The following ANK2 variants were observed in gnomAD, a reference collection of about 807,000 sequenced individuals.
ANK2 encodes the protein ankyrin-2.
Under a neutral mutation model 360.5 loss-of-function variants are expected in ANK2, and 83 were observed. The observed-to-expected ratio is 0.23, with a 90% CI of 0.19 to 0.28. The LOEUF is 0.28. ANK2 is among the 10% of genes least tolerant of loss of function. ANK2 has a pLI of 1.00. For synonymous variants in ANK2, 1,740 were observed against 1,759.5 expected, an observed-to-expected ratio of 0.99 and a Z score of 0.28; for missense variants, 4,201 against 4,795.7, an observed-to-expected ratio of 0.88 and a Z score of 3.66.
At chr4:113,263,631 A>C (rs1185490538) in intron 13 of ANK2, among the ~76,000 whole-genome samples, 1 of 152,262 alleles carries the variant, frequency 6.6e-6, no homozygotes, top group Non-Finnish European at 1.5e-5. Flanking sequence ...TTGTTGTACA[A>C]GGAATCAGAA....
intron 1 of ANK2, among the ~76,000 whole-genome samples, chr4:112,860,883 C>T (rs1263605002): frequency 1.3e-5 from 2 of 152,056 alleles, no homozygotes; most frequent in African/African-American, 2.4e-5. Flanking sequence ...GTTAATTTTG[C>T]TGGACTTTTC....
intron 2 of ANK2, among the ~76,000 whole-genome samples, chr4:112,905,377 G>A (rs1005633693): frequency 3.4e-4 from 52 of 152,292 alleles, no homozygotes; most frequent in African/African-American, 1.2e-3. Flanking sequence ...AATGCCAAAA[G>A]AGGAGAAATC....
chr4:112,922,812 T>G (rs1274603819), intron 2 of ANK2, among the ~76,000 whole-genome samples: 1 of 152,214 alleles, frequency 6.6e-6, no homozygotes, highest in Non-Finnish European at 1.5e-5. Flanking sequence ...AAAATGACTC[T>G]CTAATATTCC....
chr4:113,067,054 A>G (rs934412105), intron 1 of ANK2, among the ~76,000 whole-genome samples: 1 of 152,066 alleles, frequency 6.6e-6, no homozygotes, highest in African/African-American at 2.4e-5. Flanking sequence ...AGATGACTGT[A>G]TCTCATGTTT....
chr4:113,373,156 C>T lies in ANK2; in HGVS notation c.11677C>T (p.His3893Tyr), dbSNP rs745862408. The change falls in exon 44 of 46, where the codon CAC becomes TAC. Residue 3893 changes from histidine to tyrosine, a missense_variant. His to Tyr is a moderately conservative substitution (Grantham distance 83). This residue lies in a region of ANK2 where 2,642 missense variants were observed against 2,714.5 expected (regional missense o/e 0.97). Coordinates refer to ENST00000357077, the MANE Select transcript of ANK2 (RefSeq NM_001148.6). ...TEEEYIDEHG[H>Y]TVVKKVTRKI... ...AGAAGAATACATTGATGAGCATGGA[C>T]ACACCGTGGTAAAGAAGGTATTGTC... The T allele has an allele frequency of 1.9e-6, 3 of 1,614,006 alleles. No individual in the cohort carries two copies. The Admixed American group carries it at 5.0e-5, about 27-fold the overall frequency.
intron 34 of ANK2, among the ~76,000 whole-genome samples, chr4:113,345,475 G>A (rs2094737163): frequency 6.6e-6 from 1 of 152,146 alleles, no homozygotes; most frequent in Non-Finnish European, 1.5e-5. Flanking sequence ...TAAAAGCTGA[G>A]TAAGTTCTGA....
At chr4:113,094,447 G>A (rs757783507) in intron 1 of ANK2, among the ~76,000 whole-genome samples, 2 of 152,094 alleles carry the variant, frequency 1.3e-5, no homozygotes, top group Non-Finnish European at 2.9e-5. Context: ...TTTGATTATG[G>A]ATTCAAAACA....
intron 1 of ANK2, among the ~76,000 whole-genome samples, chr4:113,064,453 AAGG>A (rs1396913614): frequency 6.6e-6 from 1 of 152,164 alleles, no homozygotes; most frequent in Non-Finnish European, 1.5e-5. Flanking sequence ...AGCCAGGATT[AAGG>A]AGGAGGGGCT....
chr4:113,336,181 T>A, intron 30 of ANK2, 124 bp downstream of exon 30: 1 of 1,030,052 alleles, frequency 9.7e-7, no homozygotes, highest in Non-Finnish European at 1.4e-6. Context: ...GCATTAATGG[T>A]AAAGCTAAAG....
the ANK2 span, among the ~76,000 whole-genome samples, chr4:112,766,691 C>A: frequency 6.6e-6 from 1 of 152,214 alleles, no homozygotes; most frequent in Non-Finnish European, 1.5e-5. Context: ...ATTCTCTTTA[C>A]TCAACAGTTT....
intron 1 of ANK2, among the ~76,000 whole-genome samples, chr4:113,115,335 G>T (rs1408610759): frequency 6.6e-6 from 1 of 152,030 alleles, no homozygotes; most frequent in Non-Finnish European, 1.5e-5. Context: ...TTTTATTTTT[G>T]TTTTTTTGGA....
intron 1 of ANK2, among the ~76,000 whole-genome samples, chr4:112,823,140 G>T (rs568664651): frequency 6.6e-6 from 1 of 152,332 alleles, no homozygotes; most frequent in South Asian, 2.1e-4. Context: ...ATTAGATTGG[G>T]TGTTGTTTAA....
chr4:113,356,898 T>C lies in ANK2; in HGVS notation c.8280T>C (p.Asp2760=). The part of the protein sequence containing the change: ...VSTEAEDRSY[D]KLNRDTDQPK... ...CTGAGGCTGAAGACAGGTCTTATGA[T>C]AAGCTAAACAGAGACACTGATCAGC... Residue 2760 remains aspartate, a synonymous_variant, in exon 38 of 46, where the codon GAT becomes GAC. Transcript: ENST00000357077. The C allele has an allele frequency of 6.2e-7, 1 of 1,614,052 alleles. No individual in the cohort carries two copies.
intron 2 of ANK2, chr4:112,904,570 G>T (rs1282560089): frequency 2.3e-6 from 3 of 1,304,784 alleles, no homozygotes; most frequent in South Asian, 1.5e-5. Context: ...AGACACGGAG[G>T]TTAGAATGTA....
the ANK2 span, among the ~76,000 whole-genome samples, chr4:112,799,462 C>T: frequency 2.0e-5 from 3 of 151,968 alleles, no homozygotes; most frequent in South Asian, 2.1e-4. Context: ...TCCAACTTTA[C>T]GTCCTCTCCA....
upstream of ANK2, among the ~76,000 whole-genome samples, chr4:113,046,155 T>C (rs758930269): frequency 5.3e-5 from 8 of 152,140 alleles, no homozygotes; most frequent in Non-Finnish European, 7.4e-5. Context: ...CAAACACTTA[T>C]AACATCTTGA....
At chr4:112,771,984 G>T in the ANK2 span, among the ~76,000 whole-genome samples, 2 of 152,116 alleles carry the variant, frequency 1.3e-5, no homozygotes, top group South Asian at 4.1e-4. Context: ...TACAGAGTGG[G>T]CATCTTTCAG....
chr4:113,317,740 T>A lies in ANK2; in HGVS notation c.2727T>A (p.Thr909=), dbSNP rs144548535. ...LRSFSSDRSH[T]LSHASYLRDS... ...CCTTCAGTTCCGACAGGTCTCACAC[T>A]CTGAGCCATGCCTCCTACCTGAGGG... The change falls in exon 25 of 46, where the codon ACT becomes ACA. Residue 909 remains threonine (T), a synonymous_variant. Coordinates refer to ENST00000357077, the MANE Select transcript of ANK2 (RefSeq NM_001148.6). The A allele has an allele frequency of 3.4e-4, 555 of 1,613,992 alleles. No homozygotes were observed. The highest frequency in any genetic ancestry group is 4.6e-4 in the Non-Finnish European group (537 of 1,180,000).
At chr4:113,278,956 CTATT>C (rs777329615) in intron 17 of ANK2, among the ~76,000 whole-genome samples, 14 of 151,846 alleles carry the variant, frequency 9.2e-5, no homozygotes, top group Non-Finnish European at 1.8e-4. Flanking sequence ...CTTCAAACTT[CTATT>C]TGTTTCTTTG....
Sources: gnomAD v4.1 joint callset for allele counts (sites outside exome capture counted in the v4.1 genomes callset) on GRCh38, gnomAD v4.1.1 for gene constraint, gnomAD v4.1.1 regional missense constraint, MANE v1.5 for transcripts, NCBI Gene and HGNC (gene_info 2026-07-23, HGNC 2026-07-21) for gene names.